The following MEGF11 variants were observed in gnomAD, a reference collection of about 807,000 sequenced individuals.
MEGF11 encodes the protein multiple epidermal growth factor-like domains protein 11.
Under a neutral mutation model 146.6 loss-of-function variants are expected in MEGF11, and 126 were observed. That is an observed-to-expected ratio of 0.86 (90% CI 0.74 to 1.00). MEGF11 has a LOEUF of 1.00. Ranked by LOEUF, MEGF11 falls within the 50% of genes least tolerant of loss-of-function variation. MEGF11 has a pLI of 0.00. For synonymous variants in MEGF11, 532 were observed against 583.4 expected, an observed-to-expected ratio of 0.91 and a Z score of 1.27; for missense variants, 1,509 against 1,521.2, an observed-to-expected ratio of 0.99 and a Z score of 0.13.
At position 65,965,207 on chromosome 15, in the gene MEGF11, C is replaced by T. The variant is rs2081024433; in HGVS notation, c.900-87G>A. The T allele has an allele frequency of 4.3e-6, 5 of 1,156,214 alleles. No homozygotes were observed. In the South Asian group the frequency reaches 6.1e-5, roughly 14 times the overall value. 71.6% of individuals were successfully genotyped at this position (1,156,214 alleles called of 1,614,324 possible). A position where few individuals can be genotyped will look rare whatever the true frequency, so the allele number is the denominator to read the frequency against. ...TCCTCCAGGATGTGGTCCTCCTGGC[C>T]ATCTGGCCCAGGCCTGGTGTGCTCC... On this transcript the variant is annotated intron_variant, in intron 8 of 25. Coordinates refer to ENST00000395614, the MANE Select transcript of MEGF11 (RefSeq NM_001385028.1).
chr15:66,122,395 A>G (rs1339103876), intron 3 of MEGF11, among the ~76,000 whole-genome samples: 1 of 152,224 alleles, frequency 6.6e-6, no homozygotes, highest in African/African-American at 2.4e-5. Flanking sequence ...TCTCACAGCC[A>G]GTTAGTAGCA....
Position 66,225,828 on chromosome 15 carries a change from A to G in MEGF11, c.-9+27777T>C, listed in dbSNP as rs1158892917. On this transcript the variant is annotated intron_variant, in intron 1 of 25. Coordinates refer to ENST00000395614, the MANE Select transcript of MEGF11 (RefSeq NM_001385028.1). ...TAAGATCACACACTGAGGCATGCACACAGCACGTAACAGCTTACATACATA... is the reference window on the plus strand; with the variant it reads ...TAAGATCACACACTGAGGCATGCACGCAGCACGTAACAGCTTACATACATA... Among the ~76,000 whole-genome samples, 3 of 152,260 alleles carry G rather than the reference A, an allele frequency of 2.0e-5. No homozygotes were observed. In the East Asian group the frequency reaches 5.8e-4, roughly 29 times the overall value.
intron 5 of MEGF11, among the ~76,000 whole-genome samples, chr15:66,030,610 A>G (rs1187773102): frequency 6.6e-6 from 1 of 152,092 alleles, no homozygotes; most frequent in African/African-American, 2.4e-5. Flanking sequence ...GGGTTTCACC[A>G]TGTTGGCCAG....
intron 5 of MEGF11, among the ~76,000 whole-genome samples, chr15:66,030,312 T>A (rs1223366861): frequency 6.6e-6 from 1 of 152,354 alleles, no homozygotes; most frequent in Non-Finnish European, 1.5e-5. Flanking sequence ...CTACCCTTCA[T>A]GGACCCATGC....
rs1238121522 is a variant in MEGF11 at position 65,972,044 on chromosome 15, GAAATTA to G, written c.763-1361_763-1356del. Among the ~76,000 whole-genome samples the G allele has an allele frequency of 5.3e-5, 8 of 151,992 alleles. No individual in the cohort carries two copies. In the East Asian group the frequency reaches 1.5e-3, roughly 29 times the overall value. On this transcript the variant is annotated intron_variant, in intron 7 of 25. Coordinates refer to ENST00000395614, the MANE Select transcript of MEGF11 (RefSeq NM_001385028.1). ...CTTGAAAATTAAAAATAAAATGGTGGAAATTAAAATGTTGCAATAGAAGAGCCAAAA... is the reference window on the plus strand; with the variant it reads ...CTTGAAAATTAAAAATAAAATGGTGGAAATGTTGCAATAGAAGAGCCAAAA...
At chr15:66,168,999 T>C (rs1391856977) in intron 1 of MEGF11, among the ~76,000 whole-genome samples, 1 of 152,180 alleles carries the variant, frequency 6.6e-6, no homozygotes, top group African/African-American at 2.4e-5. Flanking sequence ...AAAAATAAAA[T>C]AAAATAAAAG....
rs892972805 is a variant in MEGF11, at chr15:66,011,861, T to A, written c.395-29373A>T. On this transcript the variant is annotated intron_variant, in intron 5 of 25. Coordinates refer to ENST00000395614, the MANE Select transcript of MEGF11 (RefSeq NM_001385028.1). ...TTTTGTGCAAATAAAGGAACAGTTATGCCATGATGTTGAGAGAAAAAAGAA... is the reference window on the plus strand; with the variant it reads ...TTTTGTGCAAATAAAGGAACAGTTAAGCCATGATGTTGAGAGAAAAAAGAA... Among the ~76,000 whole-genome samples the A allele has an allele frequency of 9.1e-4, 138 of 152,156 alleles. 1 individual carries two copies. The highest frequency in any genetic ancestry group is 3.2e-3 in the African/African-American group (133 of 41,426).
intron 9 of MEGF11, among the ~76,000 whole-genome samples, chr15:65,960,518 C>T (rs368213679): frequency 6.6e-6 from 1 of 152,202 alleles, no homozygotes; most frequent in South Asian, 2.1e-4. Flanking sequence ...TTGCATCTTT[C>T]CAAGAGCTTC....
At chr15:66,028,578 C>T (rs2083414743) in intron 5 of MEGF11, among the ~76,000 whole-genome samples, 1 of 152,146 alleles carries the variant, frequency 6.6e-6, no homozygotes, top group Non-Finnish European at 1.5e-5. Flanking sequence ...AAAAGAATAA[C>T]AATTATTTAT....
intron 5 of MEGF11, among the ~76,000 whole-genome samples, chr15:66,086,691 A>G (rs2086122221): frequency 6.6e-6 from 1 of 152,232 alleles, no homozygotes; most frequent in South Asian, 2.1e-4. Context: ...TCCTGGAAAC[A>G]CATCAAAACA....
intron 15 of MEGF11, chr15:65,922,039 G>T (rs1263678699): frequency 4.9e-6 from 2 of 409,322 alleles, no homozygotes; most frequent in African/African-American, 4.2e-5. Context: ...GCAGATCTCT[G>T]TGCTTGTTTC....
intron 1 of MEGF11, among the ~76,000 whole-genome samples, chr15:66,245,505 A>G (rs1440244879): frequency 1.3e-5 from 2 of 150,964 alleles, no homozygotes; most frequent in Admixed American, 6.6e-5. Context: ...GGTGGCATAC[A>G]CCTGTGGTCC....
At chr15:65,906,229 C>T (rs539853949) in intron 23 of MEGF11, 88 bp from the exon 24 acceptor site, 3 of 950,572 alleles carry the variant, frequency 3.2e-6, no homozygotes, top group East Asian at 2.7e-5. Flanking sequence ...CTTGCTTTTC[C>T]CCCCCCTTCT....
chr15:66,120,370 C>T (rs116183458), intron 3 of MEGF11, among the ~76,000 whole-genome samples: 1 of 152,314 alleles, frequency 6.6e-6, no homozygotes, highest in African/African-American at 2.4e-5. Context: ...AACTTGGACC[C>T]AACCCCAAGT....
intron 1 of MEGF11, among the ~76,000 whole-genome samples, chr15:66,230,074 T>A (rs751649719): frequency 3.9e-5 from 6 of 152,182 alleles, no homozygotes; most frequent in Non-Finnish European, 5.9e-5. Context: ...TTAGAACCAC[T>A]GCATCACTAG....
At chr15:66,012,329 G>A (rs1450363042) in intron 5 of MEGF11, among the ~76,000 whole-genome samples, 1 of 152,186 alleles carries the variant, frequency 6.6e-6, no homozygotes. Flanking sequence ...TCCAGCTTGG[G>A]CATTTGGAGG....
Position 66,128,315 on chromosome 15 carries a change from T to G in MEGF11, c.89A>C (p.His30Pro). The G allele has an allele frequency of 6.6e-7, 1 of 1,513,078 alleles. No individual in the cohort carries two copies. Among genetic ancestry groups the G allele is most frequent in the Admixed American group, 2.2e-5 (1 of 45,236 alleles). 93.7% of individuals were successfully genotyped at this position (1,513,078 alleles called of 1,614,324 possible). Reference protein sequence around the residue: ...LNPEDPNVCSHWESYAVTVQE... With the variant: ...LNPEDPNVCSPWESYAVTVQE... ...GAGGCCCACACCTTACCTCTCCCAG[T>G]GGCTGCACACGTTGGGGTCCTCGGG... The change falls in exon 2 of 26, where the codon CAC becomes CCC. Residue 30 changes from histidine (H) to proline (P), a missense_variant. Physicochemically the swap from His to Pro is moderately conservative, Grantham distance 77 (BLOSUM62 -2). Transcript: ENST00000395614.
At chr15:66,141,269 TG>T (rs2089141915) in intron 1 of MEGF11, among the ~76,000 whole-genome samples, 2 of 143,004 alleles carry the variant, frequency 1.4e-5, no homozygotes, top group African/African-American at 5.1e-5. Flanking sequence ...TGTGTGTGTG[TG>T]TGTGTGTGTG....
chr15:65,924,567 C>A (rs1243208370), intron 13 of MEGF11, among the ~76,000 whole-genome samples: 3 of 151,528 alleles, frequency 2.0e-5, no homozygotes, highest in Non-Finnish European at 4.4e-5. Context: ...GGTTTTGGAT[C>A]CATCTTCAAG....
Sources: allele counts gnomAD v4.1 joint callset (sites outside exome capture counted in the v4.1 genomes callset), GRCh38; gene constraint gnomAD v4.1.1; transcripts MANE v1.5; gene names NCBI Gene and HGNC (gene_info 2026-07-23, HGNC 2026-07-21).